PDE4B: variants seen among roughly 807,000 people sequenced by gnomAD.
The protein encoded by PDE4B is 3',5'-cyclic-AMP phosphodiesterase 4B.
A neutral mutation model predicts 82.2 loss-of-function variants in PDE4B; 20 were observed. That is an observed-to-expected ratio of 0.24 (90% confidence interval 0.17 to 0.35). The LOEUF (loss-of-function observed/expected upper bound fraction) is 0.35, where lower values mean the gene tolerates loss of function less well. PDE4B is among the 10% of genes least tolerant of loss of function. The pLI is 1.00. For synonymous variants in PDE4B, 320 were observed against 318.9 expected (o/e 1.00, Z -0.04); for missense variants, 655 against 907.2 (o/e 0.72, Z 3.57).
chr1:65,950,481 C>T (rs761057309), intron 3 of PDE4B, among the ~76,000 whole-genome samples: 2 of 151,986 alleles, frequency 1.3e-5, no homozygotes, highest in Non-Finnish European at 2.9e-5. Flanking sequence ...TTGTTTAAGT[C>T]ACTTATTGGG....
At chr1:66,286,256 T>G (rs1656665127) in intron 7 of PDE4B, among the ~76,000 whole-genome samples, 1 of 152,164 alleles carries the variant, frequency 6.6e-6, no homozygotes, top group Non-Finnish European at 1.5e-5. Flanking sequence ...GAACTTTTTG[T>G]ATGTTTTGTT....
chr1:65,834,503 T>C (rs1223463493), intron 1 of PDE4B, among the ~76,000 whole-genome samples: 1 of 152,210 alleles, frequency 6.6e-6, no homozygotes, highest in Non-Finnish European at 1.5e-5. Context: ...ATATGCAATG[T>C]AGAATTTTAA....
At chr1:65,872,906 G>A (rs778906944) in intron 1 of PDE4B, among the ~76,000 whole-genome samples, 1 of 152,096 alleles carries the variant, frequency 6.6e-6, no homozygotes, top group Non-Finnish European at 1.5e-5. Context: ...AAACGACTGA[G>A]GATTTTGAGA....
intron 7 of PDE4B, among the ~76,000 whole-genome samples, chr1:66,281,797 A>T (rs1656319768): frequency 6.6e-6 from 1 of 152,200 alleles, no homozygotes; most frequent in Non-Finnish European, 1.5e-5. Context: ...ATCCTCAACA[A>T]CCTTCTATTA....
At chr1:66,148,640 A>G (rs1304180532) in intron 3 of PDE4B, among the ~76,000 whole-genome samples, 1 of 151,996 alleles carries the variant, frequency 6.6e-6, no homozygotes, top group African/African-American at 2.4e-5. Context: ...ATTAACATTC[A>G]CTCTCCATGA....
chr1:65,864,931 C>T (rs1029527935), intron 1 of PDE4B, among the ~76,000 whole-genome samples: 1 of 152,202 alleles, frequency 6.6e-6, no homozygotes, highest in Admixed American at 6.5e-5. Flanking sequence ...CAGCTGCTCT[C>T]CTCAGAGCCC....
chr1:66,074,131 G>A (rs1189551089), intron 3 of PDE4B, among the ~76,000 whole-genome samples: 1 of 152,096 alleles, frequency 6.6e-6, no homozygotes, highest in East Asian at 1.9e-4. Context: ...AGAGAAGGTT[G>A]TGGAAATGTG....
chr1:66,230,683 G>T (rs776353551), intron 3 of PDE4B, among the ~76,000 whole-genome samples: 1 of 152,108 alleles, frequency 6.6e-6, no homozygotes, highest in African/African-American at 2.4e-5. Flanking sequence ...AATTTTTGTT[G>T]TAAGAACAAA....
intron 3 of PDE4B, among the ~76,000 whole-genome samples, chr1:66,089,388 C>T (rs1329751881): frequency 6.6e-6 from 1 of 152,022 alleles, no homozygotes; most frequent in Non-Finnish European, 1.5e-5. Context: ...GTTCAGATTT[C>T]TTGAAAATGT....
At chr1:66,117,113 G>T (rs776467949) in intron 3 of PDE4B, among the ~76,000 whole-genome samples, 1 of 152,034 alleles carries the variant, frequency 6.6e-6, no homozygotes, top group Non-Finnish European at 1.5e-5. Context: ...ATTACCTGTG[G>T]ATAAAAGAAA....
At chr1:65,957,796 T>C (rs533389498) in intron 3 of PDE4B, among the ~76,000 whole-genome samples, 18 of 152,192 alleles carry the variant, frequency 1.2e-4, no homozygotes, top group Non-Finnish European at 2.1e-4. Context: ...AACTAGTATA[T>C]TTTAAAAATA....
chr1:66,095,370 G>T (rs1453324765), intron 3 of PDE4B, among the ~76,000 whole-genome samples: 2 of 151,868 alleles, frequency 1.3e-5, no homozygotes, highest in African/African-American at 4.8e-5. Flanking sequence ...ATAGCATTGA[G>T]TATGTATGAG....
chr1:66,090,621 A>ATATATATATATATGTG, intron 3 of PDE4B, among the ~76,000 whole-genome samples: 14 of 122,724 alleles, frequency 1.1e-4, no homozygotes, highest in African/African-American at 5.3e-4. Flanking sequence ...TATATAATAT[A>ATATATATATATATGTG]TGTGTGTGTG....
intron 3 of PDE4B, among the ~76,000 whole-genome samples, chr1:66,133,465 C>G (rs1011340188): frequency 2.0e-5 from 3 of 152,144 alleles, no homozygotes; most frequent in Non-Finnish European, 4.4e-5. Context: ...ATTTTGCTTA[C>G]CTAGTAGAAA....
chr1:65,974,694 T>G (rs1157111898), intron 3 of PDE4B, among the ~76,000 whole-genome samples: 1 of 152,164 alleles, frequency 6.6e-6, no homozygotes, highest in African/African-American at 2.4e-5. Flanking sequence ...GGGTGAACTC[T>G]CACAAGATCT....
At chr1:65,958,765 C>CAT (rs1202152109) in intron 3 of PDE4B, among the ~76,000 whole-genome samples, 1 of 126,028 alleles carries the variant, frequency 7.9e-6, no homozygotes, top group Admixed American at 7.6e-5. Flanking sequence ...CGCGCGCGCG[C>CAT]ACACACATAC....
rs1654522903 is a variant in PDE4B, at chr1:66,043,709, T to C, written c.281+124874T>C. The stretch of plus-strand genomic sequence containing the variant: ...AGTGAGAGGAGGAAATCCAGTTTAA[T>C]CTCCTTTTTAAAGTGCACAAACACT... On this transcript the variant is annotated intron_variant, in intron 3 of 16. Transcript: ENST00000341517. Among the ~76,000 whole-genome samples, 7 of 151,772 alleles carry C rather than the reference T, an allele frequency of 4.6e-5. No homozygotes were observed. In the South Asian group the frequency reaches 1.2e-3, roughly 27 times the overall value.
intron 3 of PDE4B, among the ~76,000 whole-genome samples, chr1:66,144,649 G>C (rs1373816387): frequency 6.6e-6 from 1 of 152,182 alleles, no homozygotes; most frequent in African/African-American, 2.4e-5. Context: ...TCATTCAACA[G>C]GTAAGTATAA....
chr1:65,914,471 T>TTC (rs1553120179), intron 2 of PDE4B, among the ~76,000 whole-genome samples: 1,900 of 102,166 alleles, frequency 0.019, 39 homozygotes, highest in African/African-American at 0.054. Flanking sequence ...CTTCTTCTTC[T>TTC]TTTTTTTTTT....
Sources: allele counts gnomAD v4.1 joint callset (sites outside exome capture counted in the v4.1 genomes callset), GRCh38; gene constraint gnomAD v4.1.1; transcripts MANE v1.5; gene names NCBI Gene and HGNC (gene_info 2026-07-23, HGNC 2026-07-21).